ZCCHC24: variants seen among roughly 807,000 people sequenced by gnomAD.
ZCCHC24 encodes zinc finger CCHC-type containing 24.
Under a neutral mutation model 26.2 loss-of-function variants are expected in ZCCHC24, and 10 were observed. That is an observed-to-expected ratio of 0.38 (90% CI 0.24 to 0.65). The LOEUF is 0.65. Ranked by LOEUF, ZCCHC24 falls within the 30% of genes least tolerant of loss-of-function variation. The pLI is 0.54. For synonymous variants in ZCCHC24, 144 were observed against 147.1 expected (o/e 0.98, Z 0.15); for missense variants, 243 against 329.1 (o/e 0.74, Z 2.03).
chr10:79,410,654 G>A (rs1479252374), intron 2 of ZCCHC24, among the ~76,000 whole-genome samples: 2 of 152,180 alleles, frequency 1.3e-5, no homozygotes, highest in Non-Finnish European at 2.9e-5. Context: ...CCAGGAGTAT[G>A]GGAAGCCAGG....
chr10:79,401,830 G>A (rs924996962), intron 2 of ZCCHC24, among the ~76,000 whole-genome samples: 1 of 152,246 alleles, frequency 6.6e-6, no homozygotes, highest in Non-Finnish European at 1.5e-5. Flanking sequence ...AGAGGAGCAG[G>A]GGGAGGAAAT....
intron 3 of ZCCHC24, among the ~76,000 whole-genome samples, chr10:79,390,449 G>T (rs1175845242): frequency 1.3e-5 from 2 of 152,188 alleles, no homozygotes; most frequent in African/African-American, 4.8e-5. Flanking sequence ...GGCAGCATGG[G>T]GGCAGGGGAA....
chr10:79,391,143 C>T (rs1225671638), intron 3 of ZCCHC24, among the ~76,000 whole-genome samples: 1 of 152,110 alleles, frequency 6.6e-6, no homozygotes, highest in Non-Finnish European at 1.5e-5. Flanking sequence ...CCCCAGTGCA[C>T]ACAGTAGGTG....
chr10:79,421,189 C>T (rs540935198), intron 2 of ZCCHC24, among the ~76,000 whole-genome samples: 37 of 152,294 alleles, frequency 2.4e-4, no homozygotes, highest in Middle Eastern at 3.4e-3. Flanking sequence ...ACGGCAGGCA[C>T]GACACCCCCA....
chr10:79,431,219 A>G (rs550762993), intron 2 of ZCCHC24, among the ~76,000 whole-genome samples: 1 of 152,340 alleles, frequency 6.6e-6, no homozygotes, highest in Admixed American at 6.5e-5. Flanking sequence ...TATGGACTGC[A>G]CAGGCCATGA....
At chr10:79,437,036 G>A (rs899404247) in intron 1 of ZCCHC24, among the ~76,000 whole-genome samples, 4 of 152,136 alleles carry the variant, frequency 2.6e-5, no homozygotes, top group Admixed American at 1.3e-4. Flanking sequence ...GTGGGAAGAC[G>A]TTATAGTTTA....
intron 2 of ZCCHC24, among the ~76,000 whole-genome samples, chr10:79,415,906 T>C (rs1856853238): frequency 1.3e-5 from 2 of 152,178 alleles, no homozygotes; most frequent in South Asian, 2.1e-4. Context: ...CCTCCGGGAA[T>C]GGGGAACTGA....
At chr10:79,395,843 T>C (rs554742232) in intron 2 of ZCCHC24, among the ~76,000 whole-genome samples, 3 of 152,388 alleles carry the variant, frequency 2.0e-5, no homozygotes, top group African/African-American at 7.2e-5. Context: ...TTTGCTGATA[T>C]AATTCATGTA....
intron 3 of ZCCHC24, among the ~76,000 whole-genome samples, chr10:79,389,560 G>C (rs1589657920): frequency 1.3e-5 from 2 of 151,672 alleles, no homozygotes; most frequent in African/African-American, 2.4e-5. Flanking sequence ...GTGTGTGTGT[G>C]TGTGTGTCTG....
At chr10:79,424,993 G>C (rs954756026) in intron 2 of ZCCHC24, among the ~76,000 whole-genome samples, 4 of 152,198 alleles carry the variant, frequency 2.6e-5, no homozygotes, top group African/African-American at 9.6e-5. Context: ...CAGGGGAAGG[G>C]CCTTATCCAG....
chr10:79,424,436 G>C (rs1023032461), intron 2 of ZCCHC24, among the ~76,000 whole-genome samples: 3 of 152,198 alleles, frequency 2.0e-5, no homozygotes, highest in African/African-American at 7.2e-5. Context: ...AGCCCTCCTT[G>C]CTGCCTGCTC....
At chr10:79,405,167 TG>T (rs35416107) in intron 2 of ZCCHC24, among the ~76,000 whole-genome samples, 77,337 of 152,018 alleles carry the variant, frequency 0.51, 21,495 homozygotes, top group East Asian at 0.85. Flanking sequence ...GCGAGAGACA[TG>T]ATCTTCCCTA....
At chr10:79,412,654 G>A (rs1856807878) in intron 2 of ZCCHC24, among the ~76,000 whole-genome samples, 1 of 152,206 alleles carries the variant, frequency 6.6e-6, no homozygotes, top group Non-Finnish European at 1.5e-5. Flanking sequence ...TAGAGAGATG[G>A]CCACCATCCA....
In ZCCHC24 at chr10:79,384,817, AT is replaced by A. The variant is rs3839927; in HGVS notation, c.*1527del. The A allele has an allele frequency of 2.8e-3, 415 of 148,394 alleles. 1 individual carries two copies. Among genetic ancestry groups the A allele is most frequent in the African/African-American group, 8.2e-3 (330 of 40,416 alleles). 9.2% of individuals were successfully genotyped at this position (148,394 alleles called of 1,614,324 possible). On this transcript the variant is annotated 3_prime_UTR_variant, in exon 4 of 4. Transcript: ENST00000372336. ...AATTTCAGGCTCATTTCTTGGTCTG[AT>A]TTTTTTTTTTTCCCACAGAGGCATA...
At chr10:79,426,968 T>G (rs1205565009) in intron 2 of ZCCHC24, among the ~76,000 whole-genome samples, 1 of 149,156 alleles carries the variant, frequency 6.7e-6, no homozygotes, top group Non-Finnish European at 1.5e-5. Flanking sequence ...AATTCAAATA[T>G]ATGAATAGGT....
At chr10:79,409,530 C>T (rs1188682014) in intron 2 of ZCCHC24, among the ~76,000 whole-genome samples, 1 of 152,176 alleles carries the variant, frequency 6.6e-6, no homozygotes, top group Non-Finnish European at 1.5e-5. Context: ...GGGTCTGGCA[C>T]AGGACAGGGG....
chr10:79,444,385 C>T (rs1857330683), intron 1 of ZCCHC24: 2 of 685,120 alleles, frequency 2.9e-6, no homozygotes, highest in South Asian at 1.3e-4. Flanking sequence ...GCCCAGTCAA[C>T]TTTGTAACTG....
In ZCCHC24 at chr10:79,445,410, C is replaced by T; in HGVS notation, c.31G>A (p.Ala11Thr). 2 of 1,490,522 alleles carry T rather than the reference C, an allele frequency of 1.3e-6. No individual in the cohort carries two copies. The highest frequency in any genetic ancestry group is 2.9e-5 in the African/African-American group (2 of 69,210). 92.3% of individuals were successfully genotyped at this position (1,490,522 alleles called of 1,614,324 possible). A position where few individuals can be genotyped will look rare whatever the true frequency, so the allele number is the denominator to read the frequency against. Residue 11 changes from alanine (A) to threonine (T), a missense_variant, in exon 1 of 4, where the codon GCC (alanine) becomes ACC (threonine). Around this residue, in one of 2 missense-constraint regions of ZCCHC24, gnomAD observed 147 missense variants for 150.8 expected, o/e 0.97. Coordinates refer to ENST00000372336, the MANE Select transcript of ZCCHC24 (RefSeq NM_153367.4). The part of the protein sequence containing the change: MSLLSAIDTS[A>T]ASVYQPAQLL... ...TGGGCGGGCTGGTACACCGAGGCGG[C>T]GCTCGTGTCGATGGCCGACAGCAGG... is the stretch of plus-strand genomic sequence containing the variant.
chr10:79,394,563 T>C (rs1389529353), intron 2 of ZCCHC24, 123 bp from the exon 3 acceptor site: 2 of 1,469,554 alleles, frequency 1.4e-6, no homozygotes, highest in Non-Finnish European at 9.0e-7. Flanking sequence ...GCACCTTTTG[T>C]CCCCAGTCTA....
Sources: allele counts gnomAD v4.1 joint callset (sites outside exome capture counted in the v4.1 genomes callset), GRCh38; gene constraint gnomAD v4.1.1; regional missense constraint gnomAD v4.1.1; transcripts MANE v1.5; gene names NCBI Gene and HGNC (gene_info 2026-07-23, HGNC 2026-07-21).